SEMA3D: variants seen among roughly 807,000 people sequenced by gnomAD.
SEMA3D encodes semaphorin 3D, also known as semaphorin-3D.
Under a neutral mutation model 100.1 loss-of-function variants are expected in SEMA3D, and 84 were observed. The observed-to-expected ratio is 0.84, with a 90% confidence interval of 0.70 to 1.01. The LOEUF (loss-of-function observed/expected upper bound fraction) is 1.01. Ranked by LOEUF, SEMA3D falls within the 50% of genes least tolerant of loss-of-function variation. The pLI is 0.00. For synonymous variants in SEMA3D, 312 were observed against 320.7 expected (o/e 0.97, Z 0.29); for missense variants, 875 against 934.1 (o/e 0.94, Z 0.82).
intron 7 of SEMA3D, among the ~76,000 whole-genome samples, chr7:85,067,230 C>T (rs994588177): frequency 1.3e-5 from 2 of 152,024 alleles, no homozygotes; most frequent in Non-Finnish European, 2.9e-5. Flanking sequence ...CTTCCTTGTC[C>T]CTAAAATTAC....
chr7:85,132,136 T>C (rs1310711598), intron 2 of SEMA3D, among the ~76,000 whole-genome samples: 1 of 151,968 alleles, frequency 6.6e-6, no homozygotes, highest in Non-Finnish European at 1.5e-5. Flanking sequence ...TGTCATGTTT[T>C]TACCAAGTAT....
intron 12 of SEMA3D, among the ~76,000 whole-genome samples, chr7:85,030,729 T>C (rs1321013141): frequency 1.3e-5 from 2 of 151,946 alleles, no homozygotes; most frequent in Non-Finnish European, 2.9e-5. Flanking sequence ...AACTGCAGAG[T>C]ACATCAGTTA....
chr7:85,083,688 CA>C (rs545194586), intron 4 of SEMA3D, among the ~76,000 whole-genome samples: 2 of 148,696 alleles, frequency 1.3e-5, no homozygotes, highest in Admixed American at 6.7e-5. Context: ...ACTAAAAATA[CA>C]AAAAAAAATT....
chr7:85,050,716 C>T (rs1791140670), intron 9 of SEMA3D: 2 of 515,360 alleles, frequency 3.9e-6, no homozygotes, highest in Non-Finnish European at 6.9e-6. Flanking sequence ...TGACTATGTT[C>T]AGAAATAAGA....
the SEMA3D span, among the ~76,000 whole-genome samples, chr7:85,219,711 G>A: frequency 1.3e-5 from 2 of 151,962 alleles, no homozygotes; most frequent in Non-Finnish European, 2.9e-5. Flanking sequence ...CAAAATATAT[G>A]CTTGCCATTG....
chr7:85,226,731 A>C, the SEMA3D span, among the ~76,000 whole-genome samples: 4 of 152,152 alleles, frequency 2.6e-5, no homozygotes, highest in Non-Finnish European at 5.9e-5. Context: ...TTGTTGCAAC[A>C]AGTCAAAGTT....
At chr7:85,209,908 T>C in the SEMA3D span, among the ~76,000 whole-genome samples, 1 of 152,068 alleles carries the variant, frequency 6.6e-6, no homozygotes, top group African/African-American at 2.4e-5. Context: ...TGGTTATTAT[T>C]AAACCTTGAA....
chr7:85,050,029 T>C (rs1428707918), intron 9 of SEMA3D, among the ~76,000 whole-genome samples: 1 of 149,600 alleles, frequency 6.7e-6, no homozygotes, highest in East Asian at 2.0e-4. Context: ...CCGAAAGAAC[T>C]AGTATTTCCA....
At chr7:85,012,430 A>G (rs1789981027) in intron 17 of SEMA3D, among the ~76,000 whole-genome samples, 1 of 151,816 alleles carries the variant, frequency 6.6e-6, no homozygotes, top group Non-Finnish European at 1.5e-5. Flanking sequence ...TGGGAGGTCT[A>G]TTTGAGTTTA....
rs191288545 is a variant in SEMA3D at position 85,143,936 on chromosome 7, C to T, written c.-41+9672G>A. ...ATGTTGGCCAGGCTGGTCTCAAATG[C>T]CTGACCTCAAGTGATCCGCTCACCT... On this transcript the variant is annotated intron_variant, in intron 2 of 18. Transcript: ENST00000284136. Among the ~76,000 whole-genome samples the T allele has an allele frequency of 3.5e-3, 534 of 151,976 alleles. 3 individuals are homozygous for T. The highest frequency in any genetic ancestry group is 0.012 in the African/African-American group (506 of 41,448).
the SEMA3D span, among the ~76,000 whole-genome samples, chr7:85,233,165 T>C: frequency 6.6e-6 from 1 of 151,712 alleles, no homozygotes; most frequent in Admixed American, 6.6e-5. Context: ...TTCCTATTAC[T>C]GAAAAAAATG....
intron 8 of SEMA3D, among the ~76,000 whole-genome samples, chr7:85,061,096 G>A (rs1393750983): frequency 1.3e-5 from 2 of 151,936 alleles, no homozygotes; most frequent in Admixed American, 1.3e-4. Context: ...ATCAAAGTGT[G>A]GAACCATCAA....
chr7:85,145,605 G>C (rs1790178950), intron 2 of SEMA3D, among the ~76,000 whole-genome samples: 3 of 152,042 alleles, frequency 2.0e-5, no homozygotes, highest in Admixed American at 1.3e-4. Flanking sequence ...CAAGATGATA[G>C]AGTATGTTTA....
chr7:85,053,411 G>A (rs1791221902), intron 9 of SEMA3D, among the ~76,000 whole-genome samples: 1 of 151,864 alleles, frequency 6.6e-6, no homozygotes, highest in Non-Finnish European at 1.5e-5. Context: ...CAACAGAAAG[G>A]AATAATAAGT....
intron 1 of SEMA3D, among the ~76,000 whole-genome samples, chr7:85,168,851 A>G (rs922343616): frequency 4.0e-5 from 5 of 125,972 alleles, no homozygotes; most frequent in African/African-American, 1.5e-4. Flanking sequence ...GAAAGAAAGA[A>G]AGAAAGAAAG....
At chr7:85,229,651 A>G in the SEMA3D span, among the ~76,000 whole-genome samples, 3 of 152,140 alleles carry the variant, frequency 2.0e-5, no homozygotes, top group African/African-American at 7.2e-5. Flanking sequence ...ATTTTATCTT[A>G]GCAGCATTCA....
chr7:85,037,051 C>G lies in SEMA3D; in HGVS notation c.1047-18G>C, dbSNP rs768829197. ...AGATGGAGCTGGAAAAAAAAAGCAT[C>G]ATCATTCAATCATTCACTGATGAAT... On this transcript the variant is annotated intron_variant, in intron 11 of 18. Coordinates refer to ENST00000284136, the MANE Select transcript of SEMA3D (RefSeq NM_001384900.1). 2 of 1,608,128 alleles carry G rather than the reference C, an allele frequency of 1.2e-6. No homozygotes were observed. Among genetic ancestry groups the G allele is most frequent in the South Asian group, 2.2e-5 (2 of 90,566 alleles).
At chr7:85,215,930 TA>T in the SEMA3D span, among the ~76,000 whole-genome samples, 6 of 152,134 alleles carry the variant, frequency 3.9e-5, no homozygotes, top group African/African-American at 1.4e-4. Flanking sequence ...ATGAGAAATT[TA>T]AAACAATTGG....
rs1791726145 is a variant in SEMA3D, at chr7:85,069,915, C to T, written c.496-1631G>A. Reference sequence around the variant, plus strand: ...GTAAAATATACATATTGTGTACATCCATGCCTCTTTACCTTTCTGTGTTTC... The same window carrying T: ...GTAAAATATACATATTGTGTACATCTATGCCTCTTTACCTTTCTGTGTTTC... On this transcript the variant is annotated intron_variant, in intron 6 of 18. Coordinates refer to ENST00000284136, the MANE Select transcript of SEMA3D (RefSeq NM_001384900.1). 2.6e-5 allele frequency among the ~76,000 whole-genome samples: 4 copies of T among 152,276 alleles called. 1 individual carries two copies. The highest frequency in any genetic ancestry group is 9.6e-5 in the African/African-American group (4 of 41,562).
Sources: gnomAD v4.1 joint callset for allele counts (sites outside exome capture counted in the v4.1 genomes callset) on GRCh38, gnomAD v4.1.1 for gene constraint, MANE v1.5 for transcripts, NCBI Gene and HGNC (gene_info 2026-07-23, HGNC 2026-07-21) for gene names.